The following PPIP5K1 variants were observed in gnomAD, a reference collection of about 807,000 sequenced individuals.
PPIP5K1 encodes inositol hexakisphosphate and diphosphoinositol-pentakisphosphate kinase 1.
Under a neutral mutation model 27.7 loss-of-function variants are expected in PPIP5K1, and 6 were observed. That is an observed-to-expected ratio of 0.22 (90% CI 0.12 to 0.43). PPIP5K1 has a LOEUF of 0.43. Ranked by LOEUF, PPIP5K1 falls within the 20% of genes least tolerant of loss-of-function variation. The pLI is 1.00. For missense variants in PPIP5K1, 394 were observed against 635.4 expected, an observed-to-expected ratio of 0.62 and a Z score of 4.08; for synonymous variants, 145 against 242.6, an observed-to-expected ratio of 0.60 and a Z score of 3.74.
chr15:43,558,486 A>G (rs1458734418), intron 30 of PPIP5K1, among the ~76,000 whole-genome samples: 1 of 152,070 alleles, frequency 6.6e-6, no homozygotes, highest in Non-Finnish European at 1.5e-5. Context: ...TAGCCCTCCC[A>G]AAGTGCTGGG....
intron 30 of PPIP5K1, among the ~76,000 whole-genome samples, chr15:43,558,583 C>T (rs1051026116): frequency 6.6e-6 from 1 of 151,992 alleles, no homozygotes; most frequent in Non-Finnish European, 1.5e-5. Context: ...TCTCAAACTC[C>T]TGACCTCAGG....
At position 43,558,865 on chromosome 15, in the gene PPIP5K1, T is replaced by C; in HGVS notation, c.3486A>G (p.Leu1162=). The change falls in exon 30 of 32, where the codon CTA becomes CTG. Residue 1162 remains leucine, a synonymous_variant. Coordinates refer to ENST00000420765, the MANE Select transcript of PPIP5K1 (RefSeq NM_001394395.1). ...PLETLHNALS[L]RQVSEFLSRV... is the part of the protein sequence containing the mutation. The stretch of plus-strand genomic sequence containing the variant: ...TACTCAAGAATTCACTCACTTGACG[T>C]AGGGAAAGGGCATTATGCAGTGTTT... The C allele has an allele frequency of 6.2e-7, 1 of 1,614,126 alleles. No individual in the cohort carries two copies. The highest frequency in any genetic ancestry group is 1.3e-5 in the African/African-American group (1 of 75,042).
At position 43,534,704 on chromosome 15, in the gene PPIP5K1, C is replaced by A; in HGVS notation, c.4443G>T (p.Gln1481His). Residue 1481 changes from glutamine to histidine, a missense_variant, in exon 32 of 32, where the codon CAG becomes CAT. This residue lies in a region of PPIP5K1 where 379 missense variants were observed against 423.9 expected (regional missense o/e 0.89). Transcript: ENST00000420765. ...TTATCTCCTCAGGGACCTCCTGGGCCTGCAGATCAATCTCCTCAGGGAACT... is the reference window on the plus strand; with the variant it reads ...TTATCTCCTCAGGGACCTCCTGGGCATGCAGATCAATCTCCTCAGGGAACT... Reference protein sequence around the residue: ...SQEFPEEIDLQAQEVPEEIN With the variant: ...SQEFPEEIDLHAQEVPEEIN 1 of 1,523,394 alleles carries A rather than the reference C, an allele frequency of 6.6e-7. No homozygotes were observed. 94.4% of individuals were successfully genotyped at this position (1,523,394 alleles called of 1,614,324 possible).
At chr15:43,559,348 C>T (rs1403618744) in intron 29 of PPIP5K1, among the ~76,000 whole-genome samples, 1 of 152,156 alleles carries the variant, frequency 6.6e-6, no homozygotes, top group African/African-American at 2.4e-5. Context: ...GAAGAAACAG[C>T]AGATTTTGGG....
chr15:43,565,979 G>A (rs2084141038), intron 26 of PPIP5K1, among the ~76,000 whole-genome samples: 1 of 1,798 alleles, frequency 5.6e-4, no homozygotes, highest in East Asian at 6.5e-3. Flanking sequence ...TAGAAGCTAA[G>A]CTGGACTAGA....
chr15:43,546,514 C>A (rs191413643), intron 30 of PPIP5K1, among the ~76,000 whole-genome samples: 5 of 152,164 alleles, frequency 3.3e-5, no homozygotes, highest in African/African-American at 1.2e-4. Context: ...TGGTCTTGAA[C>A]GCCTGGTCTT....
chr15:43,553,353 TA>T (rs1404382331), intron 30 of PPIP5K1, among the ~76,000 whole-genome samples: 1 of 151,696 alleles, frequency 6.6e-6, no homozygotes, highest in South Asian at 2.1e-4. Flanking sequence ...TTTTTTTTTT[TA>T]ATAGAGACAG....
intron 30 of PPIP5K1, among the ~76,000 whole-genome samples, chr15:43,541,337 T>C (rs1567016158): frequency 6.6e-6 from 1 of 152,142 alleles, no homozygotes; most frequent in Non-Finnish European, 1.5e-5. Flanking sequence ...GATCTTGAAC[T>C]CCTGGGCTCA....
rs758630892 is a variant in PPIP5K1, at chr15:43,535,154, C to T, written c.3993G>A (p.Ala1331=). Residue 1331 remains alanine, a synonymous_variant, in exon 32 of 32, where the codon GCG becomes GCA. Coordinates refer to ENST00000420765, the MANE Select transcript of PPIP5K1 (RefSeq NM_001394395.1). ...ISQPCQDISE[A]LSQPCQKVPD... is the part of the protein sequence containing the mutation. ...GGACCTTCTGACATGGCTGGCTGAGCGCCTCAGAAATGTCCTGGCATGGCT... is the reference window on the plus strand; with the variant it reads ...GGACCTTCTGACATGGCTGGCTGAGTGCCTCAGAAATGTCCTGGCATGGCT... 27 of 1,613,658 alleles carry T rather than the reference C, an allele frequency of 1.7e-5. No homozygotes were observed. The East Asian group carries it at 1.8e-4, about 11-fold the overall frequency.
chr15:43,554,443 G>A lies in PPIP5K1; in HGVS notation c.3556+4352C>T, dbSNP rs79636941. On this transcript the variant is annotated intron_variant, in intron 30 of 31. Coordinates refer to ENST00000420765, the MANE Select transcript of PPIP5K1 (RefSeq NM_001394395.1). ...GACTGCAGGTATGCACCTCTGCACC[G>A]CTCCTCTTGTAACAATTTTTTTACT... 9.9e-3 allele frequency among the ~76,000 whole-genome samples: 1,506 copies of A among 152,094 alleles called. 25 individuals carry two copies. Among genetic ancestry groups the A allele is most frequent in the African/African-American group, 0.034 (1,429 of 41,482 alleles).
chr15:43,561,262 GTTGT>G (rs2083819465), intron 28 of PPIP5K1, among the ~76,000 whole-genome samples: 1 of 106,952 alleles, frequency 9.3e-6, no homozygotes. Flanking sequence ...GTACCTTACT[GTTGT>G]TTAAACAATC....
chr15:43,559,690 T>C (rs920097450), intron 29 of PPIP5K1, among the ~76,000 whole-genome samples: 5 of 151,828 alleles, frequency 3.3e-5, no homozygotes, highest in Admixed American at 3.3e-4. Context: ...ACCCAAGAAT[T>C]CCAATGTAGG....
At chr15:43,542,879 C>T (rs2080944162) in intron 30 of PPIP5K1, among the ~76,000 whole-genome samples, 2 of 152,010 alleles carry the variant, frequency 1.3e-5, no homozygotes, top group Non-Finnish European at 2.9e-5. Context: ...TAAGATCTAG[C>T]TATGTTGCCC....
At chr15:43,537,681 T>A in intron 31 of PPIP5K1, among the ~76,000 whole-genome samples, 1 of 83,970 alleles carries the variant, frequency 1.2e-5, no homozygotes, top group South Asian at 4.5e-4. Context: ...GGAGCAAGAC[T>A]CCATCTCAAA....
chr15:43,551,379 G>A lies in PPIP5K1; in HGVS notation c.3556+7416C>T, dbSNP rs540358551. Among the ~76,000 whole-genome samples the A allele has an allele frequency of 4.9e-3, 739 of 151,584 alleles. 4 individuals are homozygous for A. The highest frequency in any genetic ancestry group is 0.021 in the South Asian group (100 of 4,778). On this transcript the variant is annotated intron_variant, in intron 30 of 31. Transcript: ENST00000420765. ...CTAAAAATACAAAAATTAGCTGGGTGTGGTGGGCAGTGCCTGTAATCCCAG... is the reference window on the plus strand; with the variant it reads ...CTAAAAATACAAAAATTAGCTGGGTATGGTGGGCAGTGCCTGTAATCCCAG...
At chr15:43,556,458 G>A (rs1186625450) in intron 30 of PPIP5K1, among the ~76,000 whole-genome samples, 4 of 149,802 alleles carry the variant, frequency 2.7e-5, no homozygotes, top group Non-Finnish European at 3.0e-5. Flanking sequence ...CCAACATGGC[G>A]AAATCCTGTC....
intron 10 of PPIP5K1, among the ~76,000 whole-genome samples, chr15:43,579,430 GTACA>G (rs2084698337): frequency 9.7e-6 from 1 of 103,406 alleles, no homozygotes; most frequent in South Asian, 3.1e-4. Context: ...ACACGTATGT[GTACA>G]TACACACACG....
At chr15:43,567,124 T>TTTTTG (rs2141255588) in intron 26 of PPIP5K1, among the ~76,000 whole-genome samples, 1 of 110,214 alleles carries the variant, frequency 9.1e-6, no homozygotes, top group African/African-American at 6.6e-5. Context: ...TCGGGTTTTT[T>TTTTTG]TTTTTTTTTT....
intron 30 of PPIP5K1, among the ~76,000 whole-genome samples, chr15:43,551,620 TGA>T (rs1567047147): frequency 3.2e-5 from 4 of 124,738 alleles, no homozygotes; most frequent in African/African-American, 8.4e-5. Flanking sequence ...TTTTTTTTTT[TGA>T]GACGGAGTCT....
Sources: gnomAD v4.1 joint callset for allele counts (sites outside exome capture counted in the v4.1 genomes callset) on GRCh38, gnomAD v4.1.1 for gene constraint, gnomAD v4.1.1 regional missense constraint, MANE v1.5 for transcripts, NCBI Gene and HGNC (gene_info 2026-07-23, HGNC 2026-07-21) for gene names.